The following SFT2D1 variants were observed in gnomAD, a reference collection of about 807,000 sequenced individuals.
SFT2D1 encodes vesicle transport protein SFT2A.
In SFT2D1, 24 loss-of-function variants were observed where a neutral mutation model predicts 28.1. That is an observed-to-expected ratio of 0.85 (90% confidence interval 0.62 to 1.20). The LOEUF is 1.20. Ranked by LOEUF, SFT2D1 falls within the 50% of genes most tolerant of loss-of-function variation. The pLI, the probability that SFT2D1 is intolerant of heterozygous loss-of-function variation, is 0.00. For synonymous variants in SFT2D1, 82 were observed against 73.7 expected, an observed-to-expected ratio of 1.11 and a Z score of -0.58; for missense variants, 181 against 190.9, an observed-to-expected ratio of 0.95 and a Z score of 0.31.
intron 1 of SFT2D1, among the ~76,000 whole-genome samples, chr6:166,336,467 C>A (rs1778652639): frequency 6.6e-6 from 1 of 152,092 alleles, no homozygotes; most frequent in South Asian, 2.1e-4. Flanking sequence ...CTATTTAATT[C>A]TCTTAAAAAA....
At chr6:166,328,437 A>C in intron 3 of SFT2D1, 80 bp from the exon 4 acceptor site, 1 of 805,066 alleles carries the variant, frequency 1.2e-6, no homozygotes, top group Non-Finnish European at 1.8e-6. Flanking sequence ...CTTTTTTAAA[A>C]AAGAAGCCCT....
intron 7 of SFT2D1, 146 bp downstream of exon 7, chr6:166,322,711 A>G: frequency 3.1e-6 from 2 of 644,118 alleles, no homozygotes; most frequent in Non-Finnish European, 2.6e-6. Context: ...AAAAAAAAAA[A>G]GTATGTTTAT....
In SFT2D1 at chr6:166,322,875, G is replaced by A. The variant is rs773935968; in HGVS notation, c.422C>T (p.Ser141Leu). 6.2e-6 allele frequency: 10 copies of A among 1,611,782 alleles called. No homozygotes were observed. The highest frequency in any genetic ancestry group is 2.7e-5 in the African/African-American group (2 of 74,868). The stretch of plus-strand genomic sequence containing the variant: ...AGCTTACCTTGCATATGGGATGTAC[G>A]ACAGGCTATACCTGCAAGAAATATT... ...QFLSMTWYSL[S>L]YIPYARDAVI... is the part of the protein sequence containing the mutation. Residue 141 changes from serine (S) to leucine (L), a missense_variant, in exon 7 of 8, where the codon TCG (serine) becomes TTG (leucine). Physicochemically the swap from Ser to Leu is moderately radical, Grantham distance 145. Coordinates refer to ENST00000361731, the MANE Select transcript of SFT2D1 (RefSeq NM_145169.3).
At chr6:166,342,058 A>G (rs1026049469) in intron 1 of SFT2D1, among the ~76,000 whole-genome samples, 7 of 152,196 alleles carry the variant, frequency 4.6e-5, no homozygotes, top group Admixed American at 6.5e-5. Context: ...AATGCCCTGC[A>G]TAGCTACTTA....
chr6:166,320,044 T>C lies in SFT2D1; in HGVS notation c.*173A>G, dbSNP rs1778319895. 1.7e-6 allele frequency: 1 copy of C among 582,600 alleles called. No individual in the cohort carries two copies. Among genetic ancestry groups the C allele is most frequent in the African/African-American group, 2.0e-5 (1 of 51,190 alleles). The allele number at this position is 582,600 out of a possible 1,614,324, so 36.1% of individuals were successfully genotyped here. ...CATAATGAATTTAAAGTTACAAGCA[T>C]TTAATGGTTTAATCAAGCATGTAGT... On this transcript the variant is annotated 3_prime_UTR_variant, in exon 8 of 8. Transcript: ENST00000361731.
Position 166,331,122 on chromosome 6 carries a change from T to G in SFT2D1, c.64-875A>C, listed in dbSNP as rs527527485. Among the ~76,000 whole-genome samples the G allele has an allele frequency of 1.4e-3, 213 of 152,320 alleles. 1 individual carries two copies. The highest frequency in any genetic ancestry group is 0.01 in the South Asian group (49 of 4,828). On this transcript the variant is annotated intron_variant, in intron 1 of 7. Coordinates refer to ENST00000361731, the MANE Select transcript of SFT2D1 (RefSeq NM_145169.3). The stretch of plus-strand genomic sequence containing the variant: ...AGTATGATAACCCAGCACACAGTAG[T>G]GGTGAAATAAACACACTCAGATTAC...
In SFT2D1 at chr6:166,329,609, T is replaced by G; in HGVS notation, c.151-20A>C. On this transcript the variant is annotated intron_variant, in intron 2 of 7. Transcript: ENST00000361731. ...AGTTCCCTAAGTTAAGATATTATAG[T>G]TATTTTAAAATAATTTTATGATTTT... 1 of 1,552,710 alleles carries G rather than the reference T, an allele frequency of 6.4e-7. No individual in the cohort carries two copies. The highest frequency in any genetic ancestry group is 8.7e-7 in the Non-Finnish European group (1 of 1,147,244).
chr6:166,319,790 T>A lies in SFT2D1; in HGVS notation c.*427A>T, dbSNP rs1417141884. 1 of 152,280 alleles carries A rather than the reference T, an allele frequency of 6.6e-6. No homozygotes were observed. Among genetic ancestry groups the A allele is most frequent in the Non-Finnish European group, 1.5e-5 (1 of 68,204 alleles). 9.4% of individuals were successfully genotyped at this position (152,280 alleles called of 1,614,324 possible). ...AGATTTATATATTATTTTTATTACA[T>A]ATAATAAGCAATTTTTAGCTTAAAA... On this transcript the variant is annotated 3_prime_UTR_variant, in exon 8 of 8. Transcript: ENST00000361731.
At position 166,339,752 on chromosome 6, in the gene SFT2D1, C is replaced by T. The variant is rs574614514; in HGVS notation, c.63+2667G>A. On this transcript the variant is annotated intron_variant, in intron 1 of 7. Transcript: ENST00000361731. ...TCCTTCTCTCTTGGTTCTCCTCCTC[C>T]TTCTCTCGCCACGCCTCTCAGCTGT... 2.6e-5 allele frequency among the ~76,000 whole-genome samples: 4 copies of T among 152,330 alleles called. 1 individual carries two copies. The South Asian group carries it at 8.3e-4, about 32-fold the overall frequency.
chr6:166,322,262 G>A (rs562081436), intron 7 of SFT2D1, among the ~76,000 whole-genome samples: 1 of 152,098 alleles, frequency 6.6e-6, no homozygotes, highest in South Asian at 2.1e-4. Flanking sequence ...GCCATGGAAG[G>A]GTCCAGAATC....
chr6:166,326,900 TA>T (rs1363513084), intron 4 of SFT2D1, among the ~76,000 whole-genome samples: 2 of 152,340 alleles, frequency 1.3e-5, no homozygotes. Context: ...TAGTGGAATA[TA>T]AACTACTTAT....
At chr6:166,335,712 T>C (rs1276322300) in intron 1 of SFT2D1, among the ~76,000 whole-genome samples, 2 of 152,222 alleles carry the variant, frequency 1.3e-5, no homozygotes, top group African/African-American at 4.8e-5. Context: ...CTATGGTGGT[T>C]CTAGTAGCAG....
At chr6:166,326,087 G>C (rs754812330) in intron 5 of SFT2D1, 45 bp downstream of exon 5, 1 of 1,569,046 alleles carries the variant, frequency 6.4e-7, no homozygotes, top group East Asian at 2.2e-5. Flanking sequence ...GCTGGGGTGG[G>C]GGGCACACAG....
At chr6:166,322,977 A>T in intron 6 of SFT2D1, 91 bp from the exon 7 acceptor site, 1 of 1,023,456 alleles carries the variant, frequency 9.8e-7, no homozygotes, top group Non-Finnish European at 1.5e-6. Context: ...TAATAAATAC[A>T]GCAGCATGAG....
At chr6:166,326,890 T>C (rs1335095925) in intron 4 of SFT2D1, among the ~76,000 whole-genome samples, 1 of 152,180 alleles carries the variant, frequency 6.6e-6, no homozygotes, top group Non-Finnish European at 1.5e-5. Context: ...ACTAAAATCT[T>C]AGTGGAATAT....
intron 1 of SFT2D1, chr6:166,331,372 T>C (rs571376640): frequency 1.3e-5 from 2 of 152,776 alleles, no homozygotes; most frequent in South Asian, 4.1e-4. Context: ...ATACATTTGG[T>C]TACATTCCTT....
intron 1 of SFT2D1, among the ~76,000 whole-genome samples, chr6:166,341,448 TAAAAA>T (rs35479577): frequency 7.8e-6 from 1 of 128,486 alleles, no homozygotes; most frequent in Non-Finnish European, 1.6e-5. Context: ...AGACTCCATC[TAAAAA>T]AAAAAAAAAA....
chr6:166,334,206 G>A (rs1266856318), intron 1 of SFT2D1, among the ~76,000 whole-genome samples: 1 of 152,044 alleles, frequency 6.6e-6, no homozygotes, highest in Non-Finnish European at 1.5e-5. Flanking sequence ...CCACTAACTG[G>A]CTCAATAAAT....
intron 7 of SFT2D1, among the ~76,000 whole-genome samples, chr6:166,322,369 T>C (rs1289273403): frequency 2.0e-5 from 3 of 152,102 alleles, no homozygotes; most frequent in Admixed American, 1.3e-4. Context: ...ACAGACATTA[T>C]CATGGCAAGC....
Sources: gnomAD v4.1 joint callset for allele counts (sites outside exome capture counted in the v4.1 genomes callset) on GRCh38, gnomAD v4.1.1 for gene constraint, MANE v1.5 for transcripts, NCBI Gene and HGNC (gene_info 2026-07-23, HGNC 2026-07-21) for gene names.